POU2F1: variants seen among roughly 807,000 people sequenced by gnomAD.
POU2F1 encodes the protein POU class 2 homeobox 1.
POU2F1 carries 16 observed loss-of-function variants against 84.9 expected under a neutral mutation model. The observed-to-expected ratio is 0.19, with a 90% CI of 0.13 to 0.29. The LOEUF is 0.29. Ranked by LOEUF, POU2F1 falls within the 10% of genes least tolerant of loss-of-function variation. The pLI is 1.00. For synonymous variants in POU2F1, 368 were observed against 368.3 expected (o/e 1.00, Z 0.01); for missense variants, 738 against 942.6 (o/e 0.78, Z 2.84).
chr1:167,230,339 A>G (rs1435996579), intron 1 of POU2F1, among the ~76,000 whole-genome samples: 1 of 152,192 alleles, frequency 6.6e-6, no homozygotes, highest in Non-Finnish European at 1.5e-5. Context: ...TAATTAGCTT[A>G]GTAACTTTAG....
In POU2F1 at chr1:167,244,650, G is replaced by A. The variant is rs572109692; in HGVS notation, c.61+23692G>A. 4.6e-5 allele frequency among the ~76,000 whole-genome samples: 7 copies of A among 152,280 alleles called. No individual in the cohort carries two copies. In the South Asian group the frequency reaches 1.5e-3, roughly 32 times the overall value. ...AAGGGGCTACACAAGGGTACAAATA[G>A]CAGGAGTTCATGAATCATTGGATGG... On this transcript the variant is annotated intron_variant, in intron 1 of 15. Transcript: ENST00000367866.
At chr1:167,385,722 G>A (rs552422151) in intron 8 of POU2F1, among the ~76,000 whole-genome samples, 5 of 152,236 alleles carry the variant, frequency 3.3e-5, no homozygotes, top group African/African-American at 9.6e-5. Context: ...CTTGGGTTAG[G>A]CAAGGATTTC....
rs67562017 is a variant in POU2F1 at position 167,399,968 on chromosome 1, CTTTTTTTTTT to C, written c.1449+623_1449+632del. Among the ~76,000 whole-genome samples the C allele has an allele frequency of 4.9e-4, 30 of 61,424 alleles. 1 individual carries two copies. The highest frequency in any genetic ancestry group is 2.1e-3 in the African/African-American group (30 of 14,012). The allele number at this position is 61,424 out of a possible 152,430, so 40.3% of individuals were successfully genotyped here. A position where few individuals can be genotyped will look rare whatever the true frequency, so the allele number is the denominator to read the frequency against. On this transcript the variant is annotated intron_variant, in intron 12 of 15. Coordinates refer to ENST00000367866, the MANE Select transcript of POU2F1 (RefSeq NM_002697.4). ...ACGGGTGTGAGCCACCATTCCCAGT[CTTTTTTTTTT>C]TTTTTTTTTTTTTTTTTTTGTTGAG...
chr1:167,322,271 G>A (rs35352887), intron 1 of POU2F1, among the ~76,000 whole-genome samples: 1,840 of 152,250 alleles, frequency 0.012, 14 homozygotes, highest in South Asian at 0.027. Context: ...GACACAATCA[G>A]GAGCTATGCT....
chr1:167,245,844 A>G (rs1417627972), intron 1 of POU2F1, among the ~76,000 whole-genome samples: 1 of 152,220 alleles, frequency 6.6e-6, no homozygotes, highest in Non-Finnish European at 1.5e-5. Flanking sequence ...GGCGTGAGCC[A>G]CTGTCCGTGG....
chr1:167,227,481 T>A (rs1648726528), intron 1 of POU2F1, among the ~76,000 whole-genome samples: 1 of 152,214 alleles, frequency 6.6e-6, no homozygotes, highest in African/African-American at 2.4e-5. Flanking sequence ...GGAGTTGCAC[T>A]GATACCTTAA....
At chr1:167,378,704 C>G (rs984865696) in intron 7 of POU2F1, among the ~76,000 whole-genome samples, 4 of 151,930 alleles carry the variant, frequency 2.6e-5, no homozygotes, top group Non-Finnish European at 4.4e-5. Context: ...CTGCATCAGG[C>G]CTTTTTGTTT....
At chr1:167,370,876 G>C (rs1045241027) in intron 4 of POU2F1, among the ~76,000 whole-genome samples, 1 of 152,128 alleles carries the variant, frequency 6.6e-6, no homozygotes, top group Admixed American at 6.5e-5. Flanking sequence ...TGAACCATAT[G>C]GCACAACATG....
chr1:167,246,440 T>C (rs1249511610), intron 1 of POU2F1, among the ~76,000 whole-genome samples: 1 of 152,224 alleles, frequency 6.6e-6, no homozygotes, highest in Non-Finnish European at 1.5e-5. Context: ...TTGTTTCTGA[T>C]TTCTGTGTGT....
At chr1:167,237,275 C>CA (rs745395014) in intron 1 of POU2F1, among the ~76,000 whole-genome samples, 14 of 152,106 alleles carry the variant, frequency 9.2e-5, no homozygotes, top group Non-Finnish European at 1.8e-4. Context: ...TAAACGCCTA[C>CA]CTAGACTTTC....
At chr1:167,363,330 G>A (rs1010067542) in intron 2 of POU2F1, among the ~76,000 whole-genome samples, 1 of 152,084 alleles carries the variant, frequency 6.6e-6, no homozygotes, top group Non-Finnish European at 1.5e-5. Flanking sequence ...TAGTCTTGTT[G>A]ATTTATTTAA....
chr1:167,352,723 A>G (rs1658662406), intron 2 of POU2F1, among the ~76,000 whole-genome samples: 1 of 152,188 alleles, frequency 6.6e-6, no homozygotes, highest in Non-Finnish European at 1.5e-5. Flanking sequence ...AAATAGAATC[A>G]TGTGGATGTA....
intron 13 of POU2F1, among the ~76,000 whole-genome samples, chr1:167,411,220 AT>A (rs1649943100): frequency 6.6e-6 from 1 of 151,880 alleles, no homozygotes; most frequent in African/African-American, 2.4e-5. Flanking sequence ...TTGTATTTTT[AT>A]TAGAGGCAGG....
intron 1 of POU2F1, among the ~76,000 whole-genome samples, chr1:167,329,790 A>G (rs1244160584): frequency 1.3e-5 from 2 of 152,180 alleles, no homozygotes; most frequent in Admixed American, 6.5e-5. Context: ...TAAAGAGGGT[A>G]ATTGTACTGG....
rs994921219 is a variant in POU2F1, at chr1:167,371,777, C to A, written c.283-140C>A. The A allele has an allele frequency of 4.3e-6, 5 of 1,166,422 alleles. No individual in the cohort carries two copies. In the Admixed American group the frequency reaches 8.9e-5, roughly 21 times the overall value. The allele number at this position is 1,166,422 out of a possible 1,614,324, so 72.3% of individuals were successfully genotyped here. On this transcript the variant is annotated intron_variant, in intron 4 of 15. Coordinates refer to ENST00000367866, the MANE Select transcript of POU2F1 (RefSeq NM_002697.4). ...CTTGGTATGTGAAACTAGGAAAATACAAATAAAAGAAAGGAGGTAAACCAG... is the reference window on the plus strand; with the variant it reads ...CTTGGTATGTGAAACTAGGAAAATAAAAATAAAAGAAAGGAGGTAAACCAG...
intron 1 of POU2F1, among the ~76,000 whole-genome samples, chr1:167,236,390 C>T (rs1431835047): frequency 2.0e-5 from 3 of 152,028 alleles, no homozygotes; most frequent in Non-Finnish European, 2.9e-5. Context: ...CATGAGCCAC[C>T]GCGCCCGGCC....
intron 8 of POU2F1, among the ~76,000 whole-genome samples, chr1:167,386,675 A>T (rs1648008447): frequency 6.6e-6 from 1 of 152,208 alleles, no homozygotes; most frequent in South Asian, 2.1e-4. Flanking sequence ...GCATATCCAT[A>T]TGATGGAATG....
chr1:167,394,720 A>C (rs1008646588), intron 9 of POU2F1, among the ~76,000 whole-genome samples: 1 of 152,188 alleles, frequency 6.6e-6, no homozygotes, highest in African/African-American at 2.4e-5. Flanking sequence ...GATATCAATC[A>C]CTTGAAGTTC....
chr1:167,360,190 C>G (rs1008605885), intron 2 of POU2F1, among the ~76,000 whole-genome samples: 2 of 152,160 alleles, frequency 1.3e-5, no homozygotes, highest in Middle Eastern at 6.8e-3. Flanking sequence ...TCAGTCCTGT[C>G]TCTTTAGTTT....
Sources: allele counts gnomAD v4.1 joint callset (sites outside exome capture counted in the v4.1 genomes callset), GRCh38; gene constraint gnomAD v4.1.1; transcripts MANE v1.5; gene names NCBI Gene and HGNC (gene_info 2026-07-23, HGNC 2026-07-21).